PLAUR: variants seen among roughly 807,000 people sequenced by gnomAD.
PLAUR encodes the protein plasminogen activator, urokinase receptor.
In PLAUR, 22 loss-of-function variants were observed where a neutral mutation model predicts 33.4. The ratio of observed to expected loss-of-function variants is 0.66; its 90% CI spans 0.47 to 0.94. The LOEUF (loss-of-function observed/expected upper bound fraction) is 0.94. PLAUR is among the 40% of genes least tolerant of loss of function. The pLI is 0.00. For missense variants in PLAUR, 408 were observed against 434.7 expected, an observed-to-expected ratio of 0.94 and a Z score of 0.55; for synonymous variants, 148 against 167.3, an observed-to-expected ratio of 0.88 and a Z score of 0.89.
At position 43,648,894 on chromosome 19, in the gene PLAUR, G is replaced by A; in HGVS notation, c.1004C>T (p.Thr335Ile). 6.2e-7 allele frequency: 1 copy of A among 1,612,888 alleles called. No individual in the cohort carries two copies. The highest frequency in any genetic ancestry group is 8.5e-7 in the Non-Finnish European group (1 of 1,179,224). The change falls in exon 7 of 7, where the codon ACC becomes ATC. Residue 335 changes from threonine to isoleucine, a missense_variant. By Grantham distance (89) the Thr-to-Ile change is moderately conservative (BLOSUM62 -1). Coordinates refer to ENST00000340093, the MANE Select transcript of PLAUR (RefSeq NM_002659.4). ...GCAGAGAGGGGGATTTCAGGTTTAG[G>A]TCCAGAGGAGAGTGCCTCCCCACAG... ...ARLWGGTLLW[T>I] is the part of the protein sequence containing the mutation.
Position 43,665,383 on chromosome 19 carries a change from A to G in PLAUR, c.243T>C (p.Thr81=). Residue 81 remains threonine (T), a synonymous_variant, in exon 3 of 7, where the codon ACT becomes ACC. Transcript: ENST00000340093. ...EKTNRTLSYR[T]GLKITSLTEV... ...CGGTAAGGCTGGTGATCTTCAAGCC[A>G]GTCCGATAGCTCAGGGTCCTGTTGG... 6.2e-7 allele frequency: 1 copy of G among 1,613,796 alleles called. No individual in the cohort carries two copies. Among genetic ancestry groups the G allele is most frequent in the Non-Finnish European group, 8.5e-7 (1 of 1,179,938 alleles).
In PLAUR at chr19:43,652,228, G is replaced by C. The variant is rs746557605; in HGVS notation, c.751C>G (p.His251Asp). The change falls in exon 6 of 7, where the codon CAC (histidine) becomes GAC (aspartate). Residue 251 changes from histidine (H) to aspartate (D), a missense_variant. His to Asp is a moderately conservative substitution (Grantham distance 81, BLOSUM62 -1). Transcript: ENST00000340093. ...CCAGCCTCGGAGAGGGCCTCACCGT[G>C]AGTGCCGGTGGCTACCAGACATTGA... The part of the protein sequence containing the change: ...MNQCLVATGT[H>D]EPKNQSYMVR... The C allele has an allele frequency of 4.3e-6, 7 of 1,614,026 alleles. No homozygotes were observed. Among genetic ancestry groups the C allele is most frequent in the Non-Finnish European group, 5.9e-6 (7 of 1,179,964 alleles).
At chr19:43,653,774 G>T (rs1476098290) in intron 5 of PLAUR, among the ~76,000 whole-genome samples, 1 of 152,146 alleles carries the variant, frequency 6.6e-6, no homozygotes, top group Admixed American at 6.5e-5. Context: ...GAGCCTGGGA[G>T]TTTGATACCA....
At chr19:43,656,756 G>T in intron 3 of PLAUR, 116 bp from the exon 4 acceptor site, 1 of 807,340 alleles carries the variant, frequency 1.2e-6, no homozygotes, top group Non-Finnish European at 1.9e-6. Flanking sequence ...GCCAGTCATT[G>T]AGCCCTGCCT....
chr19:43,649,756 GA>G (rs1217649027), intron 6 of PLAUR, among the ~76,000 whole-genome samples: 2 of 151,786 alleles, frequency 1.3e-5, no homozygotes, highest in South Asian at 4.2e-4. Context: ...GAAAAAAAAA[GA>G]AAGAAAGGAA....
At chr19:43,652,188 A>C (rs1488284865) in intron 6 of PLAUR, 37 bp downstream of exon 6, 1 of 1,610,796 alleles carries the variant, frequency 6.2e-7, no homozygotes, top group South Asian at 1.1e-5. Context: ...CTCCACCCCC[A>C]ATAAGTGTTC....
At chr19:43,649,743 A>G (rs1973915403) in intron 6 of PLAUR, among the ~76,000 whole-genome samples, 1 of 150,924 alleles carries the variant, frequency 6.6e-6, no homozygotes. Context: ...AAAGAAAAGG[A>G]AAGAAAAAAA....
chr19:43,667,962 C>G (rs1967333561), intron 1 of PLAUR: 3 of 1,308,946 alleles, frequency 2.3e-6, no homozygotes, highest in Non-Finnish European at 2.9e-6. Context: ...ATTCTGTCCT[C>G]GTGAGGCGTA....
chr19:43,650,937 G>A (rs1423342849), intron 6 of PLAUR, among the ~76,000 whole-genome samples: 1 of 151,286 alleles, frequency 6.6e-6, no homozygotes, highest in Non-Finnish European at 1.5e-5. Context: ...GGAAGCTGAG[G>A]CAGGAGGATT....
intron 1 of PLAUR, chr19:43,668,035 C>G: frequency 9.0e-7 from 1 of 1,109,104 alleles, no homozygotes; most frequent in Non-Finnish European, 1.1e-6. Flanking sequence ...CCTATTAGGT[C>G]TTTCTCACCG....
chr19:43,670,151 C>A lies in PLAUR; in HGVS notation c.-31G>T, dbSNP rs2146305091. 1 of 1,604,712 alleles carries A rather than the reference C, an allele frequency of 6.2e-7. No homozygotes were observed. The highest frequency in any genetic ancestry group is 8.5e-7 in the Non-Finnish European group (1 of 1,176,192). ...GAGGGCAGCTCCTGTGCGCGGGGTC[C>A]CTGCACGTCTTCTCTCCTTCTGGCC... On this transcript the variant is annotated 5_prime_UTR_variant, in exon 1 of 7. Coordinates refer to ENST00000340093, the MANE Select transcript of PLAUR (RefSeq NM_002659.4).
chr19:43,669,809 CAAAAA>C lies in PLAUR; in HGVS notation c.55+252_55+256del, dbSNP rs59728904. On this transcript the variant is annotated intron_variant, in intron 1 of 6. Transcript: ENST00000340093. The stretch of plus-strand genomic sequence containing the variant: ...CCTGGGCGACAGAGTGAGACTCTGT[CAAAAA>C]AAAAAAAAAAAAAAAAAAAGCACTC... Among the ~76,000 whole-genome samples the C allele has an allele frequency of 1.2e-3, 85 of 71,198 alleles. 1 individual carries two copies. The highest frequency in any genetic ancestry group is 4.3e-3 in the African/African-American group (81 of 19,016). 46.7% of individuals were successfully genotyped at this position (71,198 alleles called of 152,430 possible).
intron 3 of PLAUR, among the ~76,000 whole-genome samples, chr19:43,661,880 T>A (rs1014986260): frequency 6.6e-6 from 1 of 152,136 alleles, no homozygotes; most frequent in Non-Finnish European, 1.5e-5. Flanking sequence ...TAGCTCTTGT[T>A]CGGCTTTGGT....
intron 3 of PLAUR, among the ~76,000 whole-genome samples, chr19:43,659,936 T>C (rs1974375717): frequency 6.6e-6 from 1 of 152,224 alleles, no homozygotes; most frequent in African/African-American, 2.4e-5. Flanking sequence ...TATCCTTTCT[T>C]CTGTTTTCCT....
chr19:43,655,440 T>G lies in PLAUR; in HGVS notation c.606A>C (p.Pro202=). The change falls in exon 5 of 7, where the codon CCA becomes CCC. Residue 202 remains proline, a splice_region_variant and synonymous_variant. Transcript: ENST00000340093. The part of the protein sequence containing the change: ...CCNTTKCNEG[P]ILELENLPQN... ...TTGCCTGTGTCTCCCGTTCCTTACTTGGGCCCTCGTTGCATTTGGTGGTGT... is the reference window on the plus strand; with the variant it reads ...TTGCCTGTGTCTCCCGTTCCTTACTGGGGCCCTCGTTGCATTTGGTGGTGT... 1 of 1,614,126 alleles carries G rather than the reference T, an allele frequency of 6.2e-7. No individual in the cohort carries two copies. Among genetic ancestry groups the G allele is most frequent in the Non-Finnish European group, 8.5e-7 (1 of 1,179,978 alleles).
intron 3 of PLAUR, among the ~76,000 whole-genome samples, chr19:43,663,354 G>T (rs899329398): frequency 7.9e-6 from 1 of 126,532 alleles, no homozygotes; most frequent in Non-Finnish European, 1.7e-5. Flanking sequence ...CACACACACA[G>T]GACTGTGAGT....
intron 6 of PLAUR, among the ~76,000 whole-genome samples, chr19:43,651,069 A>AT (rs1973975033): frequency 6.7e-6 from 1 of 148,340 alleles, no homozygotes; most frequent in Non-Finnish European, 1.5e-5. Context: ...TTTAATTTTA[A>AT]TTTAATTTTA....
chr19:43,663,300 TACACACAC>T (rs59542257), intron 3 of PLAUR, among the ~76,000 whole-genome samples: 32,131 of 131,616 alleles, frequency 0.24, 4,256 homozygotes, highest in Non-Finnish European at 0.32. Context: ...CTGTCACCCC[TACACACAC>T]ACACACACAC....
At chr19:43,646,319 C>T, downstream of PLAUR, 1 of 609,136 alleles carries the variant, frequency 1.6e-6, no homozygotes, top group Non-Finnish European at 3.0e-6. Context: ...CCCTAGGAAA[C>T]TAATATAGCC....
Sources: allele counts gnomAD v4.1 joint callset (sites outside exome capture counted in the v4.1 genomes callset), GRCh38; gene constraint gnomAD v4.1.1; transcripts MANE v1.5; gene names NCBI Gene and HGNC (gene_info 2026-07-23, HGNC 2026-07-21).